Variants in JAG2 observed in about 807,000 individuals in gnomAD.
JAG2 encodes protein jagged-2.
JAG2 carries 46 observed loss-of-function variants against 141.7 expected under a neutral mutation model. That is an observed-to-expected ratio of 0.32 (90% CI 0.26 to 0.42). The LOEUF is 0.42. Among genes scored for constraint, JAG2 ranks in the 10% least tolerant of loss-of-function variants. JAG2 has a pLI of 1.00. For missense variants in JAG2, 1,500 were observed against 1,817.5 expected (o/e 0.83, Z 3.18); for synonymous variants, 862 against 763.5 (o/e 1.13, Z -2.13).
At chr14:105,147,186 G>A (rs1888250888) in intron 20 of JAG2, 140 bp downstream of exon 20, 2 of 722,320 alleles carry the variant, frequency 2.8e-6, no homozygotes, top group African/African-American at 1.7e-5. Flanking sequence ...GACATGTGGG[G>A]AAACTGAGGC....
intron 11 of JAG2, 27 bp from the exon 12 acceptor site, chr14:105,150,804 C>T (rs1039420965): frequency 1.3e-5 from 21 of 1,577,524 alleles, no homozygotes; most frequent in Non-Finnish European, 1.7e-5. Context: ...GGTGAGCGTC[C>T]CGCAGGCACC....
At chr14:105,166,680 G>A (rs587616256) in intron 2 of JAG2, among the ~76,000 whole-genome samples, 5 of 152,210 alleles carry the variant, frequency 3.3e-5, no homozygotes, top group African/African-American at 9.6e-5. Flanking sequence ...AGCCACACAC[G>A]GCAGGCCCAA....
At position 105,149,395 on chromosome 14, in the gene JAG2, A is replaced by G; in HGVS notation, c.1603-75T>C. ...GAACACAGGCCAGGCCTCTGTCCATACGAAGGTAGATCCCTGGGGACCCCC... is the reference window on the plus strand; with the variant it reads ...GAACACAGGCCAGGCCTCTGTCCATGCGAAGGTAGATCCCTGGGGACCCCC... On this transcript the variant is annotated intron_variant, in intron 12 of 25. Transcript: ENST00000331782. The G allele has an allele frequency of 1.9e-6, 3 of 1,588,790 alleles. No individual in the cohort carries two copies. The South Asian group carries it at 3.3e-5, about 18-fold the overall frequency.
Position 105,155,789 on chromosome 14 carries a change from A to G in JAG2, c.676T>C (p.Tyr226His). Residue 226 changes from tyrosine to histidine, a missense_variant, in exon 4 of 26, where the codon TAC (tyrosine) becomes CAC (histidine). Transcript: ENST00000331782. ...CCGTCCATGCAGGCCTTGTTGCCGT[A>G]CTGGTCGCAGGTGTAGTGGCCGAAA... ...DFFGHYTCDQYGNKACMDGWM... is the reference protein window; with the variant it reads ...DFFGHYTCDQHGNKACMDGWM... 1 of 1,612,920 alleles carries G rather than the reference A, an allele frequency of 6.2e-7. No homozygotes were observed. Among genetic ancestry groups the G allele is most frequent in the South Asian group, 1.1e-5 (1 of 91,068 alleles).
chr14:105,141,767 A>T lies in JAG2; in HGVS notation c.*928T>A, dbSNP rs1327499713. The stretch of plus-strand genomic sequence containing the variant: ...TGGCATTATTCAATCAAATATACAG[A>T]GTGCTTCCTTTAATATGTACACATT... On this transcript the variant is annotated 3_prime_UTR_variant, in exon 26 of 26. Coordinates refer to ENST00000331782, the MANE Select transcript of JAG2 (RefSeq NM_002226.5). 1 of 152,460 alleles carries T rather than the reference A, an allele frequency of 6.6e-6. No individual in the cohort carries two copies. Among genetic ancestry groups the T allele is most frequent in the Non-Finnish European group, 1.5e-5 (1 of 68,062 alleles). The allele number at this position is 152,460 out of a possible 1,614,324, so 9.4% of individuals were successfully genotyped here.
rs1241731832 is a variant in JAG2, at chr14:105,167,739, G to A, written c.417+18C>T. 38 of 1,446,740 alleles carry A rather than the reference G, an allele frequency of 2.6e-5. No homozygotes were observed. The highest frequency in any genetic ancestry group is 4.5e-5 in the African/African-American group (3 of 67,254). The allele number at this position is 1,446,740 out of a possible 1,614,324, so 89.6% of individuals were successfully genotyped here. On this transcript the variant is annotated intron_variant, in intron 2 of 25. Coordinates refer to ENST00000331782, the MANE Select transcript of JAG2 (RefSeq NM_002226.5). The surrounding 1 kb of genome is among the most constrained non-coding windows in gnomAD (Gnocchi z 4.8). Reference sequence around the variant, plus strand: ...GAGAGAGGGAAGGGCTGGAGCACGAGGGATGGAGCGCACGTACCGGCCAGG... The same window carrying A: ...GAGAGAGGGAAGGGCTGGAGCACGAAGGATGGAGCGCACGTACCGGCCAGG...
chr14:105,146,544 C>A (rs771410024), intron 21 of JAG2, 44 bp from the exon 22 acceptor site: 1 of 1,607,272 alleles, frequency 6.2e-7, no homozygotes, highest in Non-Finnish European at 8.5e-7. Flanking sequence ...GGCATCTGGC[C>A]CTCGGGGCTG....
Position 105,157,784 on chromosome 14 carries a change from G to A in JAG2, c.418-21C>T, listed in dbSNP as rs371758260. The stretch of plus-strand genomic sequence containing the variant: ...GAGCGCTGCAGACATGGGGAGGCGG[G>A]TCAGGTACCTGAGGCCACACCTGCC... On this transcript the variant is annotated intron_variant, in intron 2 of 25. Coordinates refer to ENST00000331782, the MANE Select transcript of JAG2 (RefSeq NM_002226.5). 1.3e-3 allele frequency: 2,052 copies of A among 1,561,364 alleles called. 4 individuals are homozygous for A. Among genetic ancestry groups the A allele is most frequent in the Non-Finnish European group, 1.6e-3 (1,826 of 1,154,942 alleles).
At chr14:105,145,158 A>G in intron 23 of JAG2, 97 bp from the exon 24 acceptor site, 2 of 1,520,402 alleles carry the variant, frequency 1.3e-6, no homozygotes, top group Non-Finnish European at 1.8e-6. Context: ...GACACACCCT[A>G]CAGCCCGCCC....
In JAG2 at chr14:105,167,869, G is replaced by A; in HGVS notation, c.305C>T (p.Ser102Phe). Residue 102 changes from serine to phenylalanine, a missense_variant, in exon 2 of 26, where the codon TCC becomes TTC. By Grantham distance (155) the Ser-to-Phe change is radical (BLOSUM62 -2). This residue lies in a region of JAG2 where 200 missense variants were observed against 174.3 expected (regional missense o/e 1.15). Coordinates refer to ENST00000331782, the MANE Select transcript of JAG2 (RefSeq NM_002226.5). This position sits in a 1 kb window ranked among gnomAD's most constrained non-coding sequence, Gnocchi z 4.8. Reference sequence around the variant, plus strand: ...AGCGCCCGCCGGCGGCAGGTAGAAGGAGTTGCCGCCCAGCACGGGCGTGGC... The same window carrying A: ...AGCGCCCGCCGGCGGCAGGTAGAAGAAGTTGCCGCCCAGCACGGGCGTGGC... Reference protein sequence around the residue: ...HGATPVLGGNSFYLPPAGAAG... With the variant: ...HGATPVLGGNFFYLPPAGAAG... 3.2e-6 allele frequency: 5 copies of A among 1,564,706 alleles called. No individual in the cohort carries two copies. Among genetic ancestry groups the A allele is most frequent in the Non-Finnish European group, 4.3e-6 (5 of 1,162,888 alleles).
chr14:105,142,983 G>T lies in JAG2; in HGVS notation c.3429C>A (p.Gly1143=), dbSNP rs1196615839. The T allele has an allele frequency of 1.2e-6, 2 of 1,609,490 alleles. No individual in the cohort carries two copies. Among genetic ancestry groups the T allele is most frequent in the Non-Finnish European group, 1.7e-6 (2 of 1,179,280 alleles). Residue 1143 remains glycine (G), a synonymous_variant, in exon 26 of 26, where the codon GGC becomes GGA. Transcript: ENST00000331782. ...TGCACTGGTAGAGCACGTCCTTGTG[G>T]CCCCCCGGCCGCTCAATGGGGTTGC... ...PIRNPIERPG[G]HKDVLYQCKN... is the part of the protein sequence containing the mutation.
At chr14:105,146,168 G>C (rs1312825861) in intron 22 of JAG2, among the ~76,000 whole-genome samples, 195 bp from the exon 23 acceptor site, 1 of 152,174 alleles carries the variant, frequency 6.6e-6, no homozygotes, top group African/African-American at 2.4e-5. Context: ...ATCAGAAAGG[G>C]CAGGCGGAGC....
intron 15 of JAG2, 42 bp from the exon 16 acceptor site, chr14:105,148,481 C>T (rs766202383): frequency 4.0e-6 from 6 of 1,483,068 alleles, no homozygotes; most frequent in African/African-American, 1.4e-5. Flanking sequence ...GGGTCACCGG[C>T]GCTCAGGGAG....
chr14:105,148,553 G>T, intron 15 of JAG2, 114 bp from the exon 16 acceptor site: 1 of 826,462 alleles, frequency 1.2e-6, no homozygotes, highest in Non-Finnish European at 1.9e-6. Flanking sequence ...GGCGGGGGAG[G>T]AGCGTCGGGC....
At chr14:105,143,399 G>T in intron 25 of JAG2, 83 bp downstream of exon 25, 2 of 1,476,432 alleles carry the variant, frequency 1.4e-6, no homozygotes, top group Non-Finnish European at 1.8e-6. Flanking sequence ...TGGCTGGCAG[G>T]ATCGGCAGGA....
At chr14:105,148,641 T>A in intron 15 of JAG2, 104 bp downstream of exon 15, 1 of 1,123,392 alleles carries the variant, frequency 8.9e-7, no homozygotes. Flanking sequence ...CAGGCCTTTC[T>A]GGGTACGGGG....
intron 17 of JAG2, 105 bp downstream of exon 17, chr14:105,148,011 G>A (rs188104706): frequency 1.6e-4 from 178 of 1,129,594 alleles, no homozygotes; most frequent in Non-Finnish European, 2.2e-4. Context: ...GGGGCAGGTG[G>A]CAGGTGTGGC....
Position 105,168,066 on chromosome 14 carries a change from C to A in JAG2, c.108G>T (p.Ala36=). The change falls in exon 2 of 26, where the codon GCG becomes GCT. Residue 36 remains alanine (A), a synonymous_variant. Coordinates refer to ENST00000331782, the MANE Select transcript of JAG2 (RefSeq NM_002226.5). ...GCAGCTCCCCGTTCACGTTCCGCAG[C>A]GCGCTCAGCTGCAGCTCGAAATAGC... ...PMGYFELQLS[A]LRNVNGELLS... 6.3e-7 allele frequency: 1 copy of A among 1,589,522 alleles called. No individual in the cohort carries two copies. Among genetic ancestry groups the A allele is most frequent in the South Asian group, 1.1e-5 (1 of 90,080 alleles).
chr14:105,151,611 C>A lies in JAG2; in HGVS notation c.1153+15G>T, dbSNP rs369643590. The stretch of plus-strand genomic sequence containing the variant: ...ATACTAGGCAGGAGTCCCCTACTCA[C>A]GTGCAGACACTCACCAAGGGCACAG... On this transcript the variant is annotated intron_variant, in intron 8 of 25. Coordinates refer to ENST00000331782, the MANE Select transcript of JAG2 (RefSeq NM_002226.5). 2 of 1,583,590 alleles carry A rather than the reference C, an allele frequency of 1.3e-6. No homozygotes were observed. The highest frequency in any genetic ancestry group is 1.1e-5 in the South Asian group (1 of 87,642).
Sources: gnomAD v4.1 joint callset for allele counts (sites outside exome capture counted in the v4.1 genomes callset) on GRCh38, gnomAD v4.1.1 for gene constraint, gnomAD v4.1.1 regional missense constraint, Gnocchi (gnomAD v3.1) non-coding constraint, MANE v1.5 for transcripts, NCBI Gene and HGNC (gene_info 2026-07-23, HGNC 2026-07-21) for gene names.